The following CNIH3 variants were observed in gnomAD, a reference collection of about 807,000 sequenced individuals.
CNIH3 encodes protein cornichon homolog 3.
Under a neutral mutation model 24.1 loss-of-function variants are expected in CNIH3, and 14 were observed. The ratio of observed to expected loss-of-function variants is 0.58; its 90% CI spans 0.38 to 0.91. The LOEUF (loss-of-function observed/expected upper bound fraction) is 0.91. Among genes scored for constraint, CNIH3 ranks in the 40% least tolerant of loss-of-function variants. The pLI is 0.00. For missense variants in CNIH3, 178 were observed against 196.8 expected, an observed-to-expected ratio of 0.90 and a Z score of 0.57; for synonymous variants, 68 against 73.8, an observed-to-expected ratio of 0.92 and a Z score of 0.40.
intron 1 of CNIH3, among the ~76,000 whole-genome samples, chr1:224,452,755 C>T (rs184950490): frequency 2.7e-4 from 37 of 135,254 alleles, no homozygotes; most frequent in African/African-American, 8.0e-4. Context: ...GCACTCCAGC[C>T]TGGGCAACAG....
chr1:224,736,728 C>T (rs947310739), intron 5 of CNIH3, among the ~76,000 whole-genome samples: 3 of 152,164 alleles, frequency 2.0e-5, no homozygotes, highest in East Asian at 1.9e-4. Context: ...GGGAGCCTGA[C>T]GGTCTTTGAA....
chr1:224,522,594 A>G (rs1290893072), intron 2 of CNIH3, among the ~76,000 whole-genome samples: 1 of 152,246 alleles, frequency 6.6e-6, no homozygotes, highest in African/African-American at 2.4e-5. Context: ...TCAGTTCAAT[A>G]GAATAGTGAG....
Position 224,616,394 on chromosome 1 carries a change from C to A in CNIH3, c.-781C>A. On this transcript the variant is annotated 5_prime_UTR_variant, in exon 1 of 6. Transcript: ENST00000272133. The stretch of plus-strand genomic sequence containing the variant: ...CGAGCTACAGCGTTTGGCCTGAAAC[C>A]CACTGCTGCAGCCACCCGGGCTGGA... 1 of 889,520 alleles carries A rather than the reference C, an allele frequency of 1.1e-6. No individual in the cohort carries two copies. Among genetic ancestry groups the A allele is most frequent in the Non-Finnish European group, 1.4e-6 (1 of 733,152 alleles). The allele number at this position is 889,520 out of a possible 1,614,324, so 55.1% of individuals were successfully genotyped here. A position where few individuals can be genotyped will look rare whatever the true frequency, so the allele number is the denominator to read the frequency against.
At chr1:224,717,180 G>A (rs1688474860) in intron 3 of CNIH3, among the ~76,000 whole-genome samples, 2 of 152,202 alleles carry the variant, frequency 1.3e-5, no homozygotes, top group South Asian at 2.1e-4. Context: ...GACCATAGAT[G>A]GTGGCTTAAC....
intron 3 of CNIH3, among the ~76,000 whole-genome samples, chr1:224,688,695 C>G (rs1256744319): frequency 6.6e-6 from 1 of 152,066 alleles, no homozygotes; most frequent in Non-Finnish European, 1.5e-5. Flanking sequence ...CATCTGTAAT[C>G]CCAGCACTTT....
intron 3 of CNIH3, among the ~76,000 whole-genome samples, chr1:224,596,924 G>C (rs139319359): frequency 2.6e-5 from 4 of 152,076 alleles, no homozygotes; most frequent in Non-Finnish European, 5.9e-5. Flanking sequence ...AGACCAAGGC[G>C]GGTGGAACAC....
intron 4 of CNIH3, among the ~76,000 whole-genome samples, chr1:224,571,724 C>G (rs1428856226): frequency 1.3e-5 from 2 of 151,924 alleles, no homozygotes; most frequent in African/African-American, 2.4e-5. Flanking sequence ...GACTCCATCT[C>G]AAAAACAAAC....
In CNIH3 at chr1:224,460,144, G is replaced by A. The variant is rs575086439; in HGVS notation, n.203+25282G>A. ...GTTGCTCAAGTGATCCACCCACGTC[G>A]GCCTCCCAGGGTGCTAGGATTACAG... On this transcript the variant is annotated intron_variant and non_coding_transcript_variant, in intron 1 of 5. Transcript: ENST00000471578. Among the ~76,000 whole-genome samples the A allele has an allele frequency of 6.1e-4, 93 of 152,034 alleles. 1 individual carries two copies. Among genetic ancestry groups the A allele is most frequent in the African/African-American group, 2.1e-3 (88 of 41,456 alleles).
At chr1:224,685,318 G>A (rs1268353590) in intron 3 of CNIH3, among the ~76,000 whole-genome samples, 11 of 152,200 alleles carry the variant, frequency 7.2e-5, no homozygotes, top group Non-Finnish European at 1.6e-4. Flanking sequence ...GTGGGATGAG[G>A]CAGTGTTACT....
chr1:224,617,508 C>A (rs571258425), intron 1 of CNIH3, among the ~76,000 whole-genome samples: 28 of 152,282 alleles, frequency 1.8e-4, no homozygotes, highest in Admixed American at 4.6e-4. Flanking sequence ...TCCCGGGTCC[C>A]GGGCGCCGGG....
intron 1 of CNIH3, among the ~76,000 whole-genome samples, chr1:224,669,013 AT>A (rs1685736954): frequency 6.6e-6 from 1 of 152,240 alleles, no homozygotes; most frequent in East Asian, 1.9e-4. Flanking sequence ...TGCTTGAGCT[AT>A]TCAGAGTGGC....
At chr1:224,714,502 G>A (rs1023392659) in intron 3 of CNIH3, among the ~76,000 whole-genome samples, 2 of 152,204 alleles carry the variant, frequency 1.3e-5, no homozygotes, top group Non-Finnish European at 2.9e-5. Flanking sequence ...GCTTGTCATG[G>A]AGTGTCAGGA....
At chr1:224,484,489 T>A (rs1676952397) in intron 1 of CNIH3, among the ~76,000 whole-genome samples, 1 of 152,132 alleles carries the variant, frequency 6.6e-6, no homozygotes, top group South Asian at 2.1e-4. Flanking sequence ...CTATGATATG[T>A]GTTGGTGTTG....
intron 3 of CNIH3, among the ~76,000 whole-genome samples, chr1:224,708,156 G>A (rs947052778): frequency 8.5e-5 from 13 of 152,064 alleles, no homozygotes; most frequent in African/African-American, 3.1e-4. Flanking sequence ...AGTAAGTGGA[G>A]GTTGTTGATG....
At chr1:224,550,154 G>T (rs1679857457) in intron 3 of CNIH3, among the ~76,000 whole-genome samples, 1 of 152,156 alleles carries the variant, frequency 6.6e-6, no homozygotes. Flanking sequence ...TGTACTGTGT[G>T]TAAACACAGG....
At position 224,463,773 on chromosome 1, in the gene CNIH3, A is replaced by ATTTTTTTTTTTTTTTTTTTTTTTTTTT. The variant is rs56137320; in HGVS notation, n.203+28921_203+28947dup. Among the ~76,000 whole-genome samples, 3 of 20,706 alleles carry ATTTTTTTTTTTTTTTTTTTTTTTTTTT rather than the reference A, an allele frequency of 1.4e-4. 1 individual carries two copies. The highest frequency in any genetic ancestry group is 1.5e-4 in the Non-Finnish European group (2 of 13,354). The allele number at this position is 20,706 out of a possible 152,430, so 13.6% of individuals were successfully genotyped here. On this transcript the variant is annotated intron_variant and non_coding_transcript_variant, in intron 1 of 5. Coordinates refer to the CNIH3 transcript ENST00000471578. ...TTCTCCCAGCTTATGAATTGTCCTC[A>ATTTTTTTTTTTTTTTTTTTTTTTTTTT]TTTTTTTTTTTTTTTTTTTTTTTTT...
At chr1:224,444,419 G>C (rs1675057372) in intron 1 of CNIH3, among the ~76,000 whole-genome samples, 1 of 151,968 alleles carries the variant, frequency 6.6e-6, no homozygotes, top group African/African-American at 2.4e-5. Flanking sequence ...GCCTAGGCTG[G>C]AGTGCAGTGG....
exon 1 of CNIH3, chr1:224,434,765 G>C (rs1383130485): frequency 1.4e-5 from 14 of 986,288 alleles, no homozygotes; most frequent in African/African-American, 1.7e-5. Context: ...CTGCTCCCTG[G>C]TGTGTTGATT....
In CNIH3 at chr1:224,658,005, A is replaced by G. The variant is rs532162090; in HGVS notation, c.82-22953A>G. 3.3e-5 allele frequency among the ~76,000 whole-genome samples: 5 copies of G among 152,328 alleles called. No homozygotes were observed. The South Asian group carries it at 1.0e-3, about 32-fold the overall frequency. On this transcript the variant is annotated intron_variant, in intron 1 of 5. Transcript: ENST00000272133. ...ATTTTTGAATATACATTAATAACAC[A>G]TTTATATCAATATAACCCAAAGAAA...
Sources: allele counts gnomAD v4.1 joint callset (sites outside exome capture counted in the v4.1 genomes callset), GRCh38; gene constraint gnomAD v4.1.1; transcripts MANE v1.5; gene names NCBI Gene and HGNC (gene_info 2026-07-23, HGNC 2026-07-21).